The following FAM13A variants were observed in gnomAD, a reference collection of about 807,000 sequenced individuals.
FAM13A encodes family with sequence similarity 13 member A, also known as protein FAM13A.
In FAM13A, 76 loss-of-function variants were observed where a neutral mutation model predicts 129.6. The ratio of observed to expected loss-of-function variants is 0.59; its 90% CI spans 0.49 to 0.71. The LOEUF (loss-of-function observed/expected upper bound fraction) is 0.71. Ranked by LOEUF, FAM13A falls within the 30% of genes least tolerant of loss-of-function variation. FAM13A has a pLI of 0.00. For missense variants in FAM13A, 1,108 were observed against 1,249.3 expected (o/e 0.89, Z 1.70); for synonymous variants, 443 against 449.9 (o/e 0.98, Z 0.20).
At chr4:88,861,179 G>A (rs745538729) in intron 6 of FAM13A, among the ~76,000 whole-genome samples, 2 of 151,832 alleles carry the variant, frequency 1.3e-5, no homozygotes, top group African/African-American at 2.4e-5. Context: ...TCAGGAGTTC[G>A]TGACCAGCCT....
intron 10 of FAM13A, among the ~76,000 whole-genome samples, chr4:88,783,084 A>C (rs968658336): frequency 1.3e-5 from 2 of 152,152 alleles, no homozygotes; most frequent in African/African-American, 2.4e-5. Context: ...CATTAAGGTA[A>C]ATGAGGTATC....
intron 9 of FAM13A, among the ~76,000 whole-genome samples, chr4:88,789,712 T>C (rs1724726396): frequency 1.3e-5 from 2 of 152,178 alleles, no homozygotes; most frequent in Admixed American, 6.5e-5. Context: ...TAATGTAATT[T>C]CCAATAGTAA....
At chr4:88,766,568 C>A (rs1469981613) in intron 13 of FAM13A, among the ~76,000 whole-genome samples, 3 of 152,142 alleles carry the variant, frequency 2.0e-5, no homozygotes, top group Non-Finnish European at 4.4e-5. Flanking sequence ...GAATTTTATG[C>A]ACATTTTTTA....
intron 6 of FAM13A, among the ~76,000 whole-genome samples, chr4:88,885,191 C>A (rs898484991): frequency 6.6e-6 from 1 of 151,982 alleles, no homozygotes; most frequent in Non-Finnish European, 1.5e-5. Flanking sequence ...CAAAAAAGAG[C>A]CTGAATGGCC....
intron 11 of FAM13A, among the ~76,000 whole-genome samples, chr4:88,771,316 ATCTC>A (rs1720640205): frequency 6.6e-6 from 1 of 152,114 alleles, no homozygotes; most frequent in Non-Finnish European, 1.5e-5. Flanking sequence ...TAGATCAGTA[ATCTC>A]TCTACTTCAC....
chr4:88,888,497 A>AT (rs1039004543), intron 6 of FAM13A, among the ~76,000 whole-genome samples: 1 of 152,192 alleles, frequency 6.6e-6, no homozygotes, highest in African/African-American at 2.4e-5. Flanking sequence ...CAATTTTTAC[A>AT]TTTTTGAGTG....
At chr4:88,748,851 G>T in intron 17 of FAM13A, 101 bp downstream of exon 17, 1 of 845,660 alleles carries the variant, frequency 1.2e-6, no homozygotes, top group Non-Finnish European at 2.1e-6. Flanking sequence ...CATCTTTAAG[G>T]ACCGGGGAAT....
intron 5 of FAM13A, chr4:88,936,764 T>C (rs368961711): frequency 1.3e-5 from 2 of 152,212 alleles, no homozygotes; most frequent in African/African-American, 4.8e-5. Context: ...TAAAAAGGTA[T>C]GAGTGTTAAA....
intron 3 of FAM13A, among the ~76,000 whole-genome samples, chr4:89,006,613 T>C (rs1460605751): frequency 6.6e-6 from 1 of 152,212 alleles, no homozygotes; most frequent in Non-Finnish European, 1.5e-5. Flanking sequence ...TTGCTATCCA[T>C]GGACGGCTAA....
intron 4 of FAM13A, among the ~76,000 whole-genome samples, chr4:88,967,798 G>T (rs1263731327): frequency 6.6e-6 from 1 of 152,280 alleles, no homozygotes; most frequent in East Asian, 1.9e-4. Context: ...TTGGTAATGG[G>T]GACAGAGAGG....
intron 7 of FAM13A, among the ~76,000 whole-genome samples, chr4:88,813,220 A>G (rs904090341): frequency 1.3e-5 from 2 of 152,198 alleles, no homozygotes; most frequent in Admixed American, 6.5e-5. Flanking sequence ...TAGGGGAAAA[A>G]AAATTATTTC....
chr4:88,739,289 A>G (rs1179415071), intron 19 of FAM13A, among the ~76,000 whole-genome samples, 164 bp from the exon 20 acceptor site: 1 of 152,164 alleles, frequency 6.6e-6, no homozygotes, highest in Non-Finnish European at 1.5e-5. Flanking sequence ...TTATTTATTC[A>G]ATAAATATTC....
intron 2 of FAM13A, among the ~76,000 whole-genome samples, chr4:89,028,146 C>G (rs1768214481): frequency 1.4e-5 from 2 of 145,222 alleles, no homozygotes; most frequent in Non-Finnish European, 1.5e-5. Flanking sequence ...GTAGAGGTTG[C>G]AGTGAGCCAA....
intron 3 of FAM13A, among the ~76,000 whole-genome samples, chr4:89,004,710 C>T (rs1421417180): frequency 6.6e-6 from 1 of 152,070 alleles, no homozygotes; most frequent in Non-Finnish European, 1.5e-5. Context: ...GAGAATCACA[C>T]TAAAATGACT....
intron 6 of FAM13A, among the ~76,000 whole-genome samples, chr4:88,868,208 T>G (rs1740769915): frequency 6.6e-6 from 1 of 152,200 alleles, no homozygotes; most frequent in Non-Finnish European, 1.5e-5. Flanking sequence ...CATGCTGGTC[T>G]TAGCACTTCA....
At chr4:88,794,466 G>A (rs1725767019) in intron 8 of FAM13A, among the ~76,000 whole-genome samples, 1 of 151,878 alleles carries the variant, frequency 6.6e-6, no homozygotes, top group African/African-American at 2.4e-5. Context: ...GTGATAAGAT[G>A]CACAGATGCC....
intron 2 of FAM13A, among the ~76,000 whole-genome samples, chr4:89,022,348 T>A (rs1209445439): frequency 6.6e-6 from 1 of 152,204 alleles, no homozygotes; most frequent in African/African-American, 2.4e-5. Flanking sequence ...AACACTATCA[T>A]TACCCTCATG....
intron 4 of FAM13A, among the ~76,000 whole-genome samples, chr4:88,987,146 T>G (rs537869487): frequency 1.3e-5 from 2 of 152,258 alleles, no homozygotes; most frequent in South Asian, 4.1e-4. Context: ...TGGGATAATT[T>G]GAGCACAGGA....
At chr4:88,961,836 A>G (rs1200927811) in intron 4 of FAM13A, among the ~76,000 whole-genome samples, 1 of 152,198 alleles carries the variant, frequency 6.6e-6, no homozygotes, top group Non-Finnish European at 1.5e-5. Flanking sequence ...ACAGCTTTTT[A>G]TTTTAATGTG....
Sources: allele counts gnomAD v4.1 joint callset (sites outside exome capture counted in the v4.1 genomes callset), GRCh38; gene constraint gnomAD v4.1.1; transcripts MANE v1.5; gene names NCBI Gene and HGNC (gene_info 2026-07-23, HGNC 2026-07-21).